Variants in PHACTR1 observed in about 807,000 individuals in gnomAD.
The protein encoded by PHACTR1 is RPEL repeat containing 1.
A neutral mutation model predicts 69.2 loss-of-function variants in PHACTR1; 16 were observed. The observed-to-expected ratio is 0.23, with a 90% CI of 0.16 to 0.35. The LOEUF is 0.35. Among genes scored for constraint, PHACTR1 ranks in the 10% least tolerant of loss-of-function variants. PHACTR1 has a pLI of 1.00. For synonymous variants in PHACTR1, 312 were observed against 284.5 expected (o/e 1.10, Z -0.97); for missense variants, 510 against 734.7 (o/e 0.69, Z 3.54).
intron 4 of PHACTR1, among the ~76,000 whole-genome samples, chr6:13,001,393 G>A (rs1246753196): frequency 6.6e-6 from 1 of 152,172 alleles, no homozygotes; most frequent in East Asian, 1.9e-4. Context: ...ATAGTGCAGA[G>A]GGTTCAAGTG....
chr6:13,076,715 G>A (rs1297016242), intron 5 of PHACTR1, among the ~76,000 whole-genome samples: 1 of 151,992 alleles, frequency 6.6e-6, no homozygotes, highest in African/African-American at 2.4e-5. Context: ...GGTTCCCTGG[G>A]GCTTTTGAAG....
intron 4 of PHACTR1, among the ~76,000 whole-genome samples, chr6:12,766,531 C>T (rs1435637578): frequency 1.3e-5 from 2 of 152,144 alleles, no homozygotes; most frequent in African/African-American, 2.4e-5. Flanking sequence ...GTGCATATCT[C>T]TTCCCAATTT....
intron 4 of PHACTR1, among the ~76,000 whole-genome samples, chr6:12,774,934 C>A (rs1015622455): frequency 6.6e-6 from 1 of 152,188 alleles, no homozygotes; most frequent in Non-Finnish European, 1.5e-5. Flanking sequence ...TCCTGAGTCA[C>A]TTCTAGAACA....
At chr6:12,965,379 C>A (rs1195996085) in intron 4 of PHACTR1, among the ~76,000 whole-genome samples, 2 of 150,282 alleles carry the variant, frequency 1.3e-5, no homozygotes, top group African/African-American at 4.9e-5. Flanking sequence ...TGAGATGGAA[C>A]AAAGTGAGGC....
At chr6:12,975,221 A>G (rs1794722821) in intron 4 of PHACTR1, among the ~76,000 whole-genome samples, 1 of 152,216 alleles carries the variant, frequency 6.6e-6, no homozygotes. Flanking sequence ...TGACATTTCT[A>G]GAGATTACAA....
At chr6:13,076,221 G>C (rs983084684) in intron 5 of PHACTR1, among the ~76,000 whole-genome samples, 2 of 152,114 alleles carry the variant, frequency 1.3e-5, no homozygotes, top group Non-Finnish European at 2.9e-5. Context: ...GGAAGAAATA[G>C]AACTGGCAGC....
At chr6:12,756,237 A>G (rs1767306955) in intron 4 of PHACTR1, among the ~76,000 whole-genome samples, 1 of 152,086 alleles carries the variant, frequency 6.6e-6, no homozygotes, top group African/African-American at 2.4e-5. Context: ...TTATGGGGTG[A>G]AAAAGGGGAC....
chr6:13,060,785 C>CT (rs34204842), intron 5 of PHACTR1, among the ~76,000 whole-genome samples: 122,622 of 152,054 alleles, frequency 0.81, 49,613 homozygotes, highest in East Asian at 0.93. Context: ...GTACTGGTGA[C>CT]TTTTTTCATT....
At chr6:12,824,847 C>CA (rs1776617944) in intron 4 of PHACTR1, among the ~76,000 whole-genome samples, 2 of 152,250 alleles carry the variant, frequency 1.3e-5, no homozygotes, top group South Asian at 4.2e-4. Context: ...ATTCTGCAAC[C>CA]AAAGTACTTG....
chr6:12,940,729 C>T (rs1789973572), intron 4 of PHACTR1, among the ~76,000 whole-genome samples: 1 of 152,214 alleles, frequency 6.6e-6, no homozygotes, highest in African/African-American at 2.4e-5. Flanking sequence ...TAATGACTCT[C>T]TGAGTGCTGT....
intron 7 of PHACTR1, among the ~76,000 whole-genome samples, chr6:13,190,117 G>A (rs561062138): frequency 1.3e-5 from 2 of 149,100 alleles, no homozygotes; most frequent in African/African-American, 5.0e-5. Flanking sequence ...TCCACCTCCT[G>A]GGTTCAAGTG....
intron 4 of PHACTR1, among the ~76,000 whole-genome samples, chr6:12,809,899 C>T (rs1307328329): frequency 6.6e-6 from 1 of 152,178 alleles, no homozygotes; most frequent in Non-Finnish European, 1.5e-5. Flanking sequence ...ACAATAAATA[C>T]ATTTTAAAAT....
intron 4 of PHACTR1, among the ~76,000 whole-genome samples, chr6:12,780,591 C>G (rs760627038): frequency 1.3e-5 from 2 of 152,154 alleles, no homozygotes; most frequent in Non-Finnish European, 2.9e-5. Context: ...AAGCCTAGTA[C>G]ACATCGCTAA....
At chr6:12,730,484 A>G (rs1763359801) in intron 3 of PHACTR1, among the ~76,000 whole-genome samples, 1 of 152,154 alleles carries the variant, frequency 6.6e-6, no homozygotes, top group Non-Finnish European at 1.5e-5. Flanking sequence ...ATTTAAAAAA[A>G]AAAAAAACCT....
At chr6:13,013,754 C>T (rs978763632) in intron 4 of PHACTR1, among the ~76,000 whole-genome samples, 2 of 149,736 alleles carry the variant, frequency 1.3e-5, no homozygotes, top group African/African-American at 4.8e-5. Flanking sequence ...CTCCCCGACC[C>T]GCCCCGCCGC....
chr6:12,991,610 A>G (rs571399904), intron 4 of PHACTR1, among the ~76,000 whole-genome samples: 73 of 152,336 alleles, frequency 4.8e-4, no homozygotes, highest in Admixed American at 1.3e-3. Flanking sequence ...AAAAATAACT[A>G]TAACTGAACT....
chr6:13,180,164 T>C (rs1459307112), intron 6 of PHACTR1, among the ~76,000 whole-genome samples: 2 of 152,216 alleles, frequency 1.3e-5, no homozygotes, highest in Non-Finnish European at 2.9e-5. Context: ...GATTACAATC[T>C]TGAAAAACAT....
intron 4 of PHACTR1, among the ~76,000 whole-genome samples, chr6:12,786,546 T>A (rs553677381): frequency 1.3e-5 from 2 of 152,350 alleles, no homozygotes; most frequent in African/African-American, 4.8e-5. Context: ...GTTGTGCCTA[T>A]GTGCTTCAGG....
chr6:13,208,637 C>A (rs953273384), intron 8 of PHACTR1, among the ~76,000 whole-genome samples: 1 of 151,102 alleles, frequency 6.6e-6, no homozygotes, highest in African/African-American at 2.4e-5. Context: ...GCCCACCCCC[C>A]CAACCCCATG....
Sources: allele counts gnomAD v4.1 joint callset (sites outside exome capture counted in the v4.1 genomes callset), GRCh38; gene constraint gnomAD v4.1.1; transcripts MANE v1.5; gene names NCBI Gene and HGNC (gene_info 2026-07-23, HGNC 2026-07-21).